The following KIRREL1 variants were observed in gnomAD, a reference collection of about 807,000 sequenced individuals.
The protein encoded by KIRREL1 is kirre like nephrin family adhesion molecule 1.
In KIRREL1, 25 loss-of-function variants were observed where a neutral mutation model predicts 83.3. The ratio of observed to expected loss-of-function variants is 0.30; its 90% CI spans 0.22 to 0.42. The LOEUF (loss-of-function observed/expected upper bound fraction) is 0.42, where lower values mean the gene tolerates loss of function less well. KIRREL1 is among the 10% of genes least tolerant of loss of function. The pLI, the probability that KIRREL1 is intolerant of heterozygous loss-of-function variation, is 1.00. For missense variants in KIRREL1, 812 were observed against 1,032.3 expected, an observed-to-expected ratio of 0.79 and a Z score of 2.92; for synonymous variants, 388 against 410.4, an observed-to-expected ratio of 0.95 and a Z score of 0.66.
At chr1:158,069,973 C>A (rs1252858054) in intron 1 of KIRREL1, among the ~76,000 whole-genome samples, 5 of 152,174 alleles carry the variant, frequency 3.3e-5, no homozygotes, top group Non-Finnish European at 5.9e-5. Flanking sequence ...ATCACCAAAA[C>A]CTCTCTGGAT....
intron 1 of KIRREL1, among the ~76,000 whole-genome samples, chr1:158,049,065 T>A (rs1256226754): frequency 6.6e-6 from 1 of 152,102 alleles, no homozygotes; most frequent in Non-Finnish European, 1.5e-5. Context: ...AAACTTGCAT[T>A]TGCAAGTGTG....
intron 1 of KIRREL1, among the ~76,000 whole-genome samples, chr1:158,046,962 C>T (rs1660794816): frequency 6.6e-6 from 1 of 152,068 alleles, no homozygotes; most frequent in African/African-American, 2.4e-5. Context: ...AATGCAGCCC[C>T]TTTGTATGCA....
intron 1 of KIRREL1, among the ~76,000 whole-genome samples, chr1:158,044,757 C>A: frequency 6.6e-6 from 1 of 152,110 alleles, no homozygotes; most frequent in East Asian, 1.9e-4. Context: ...TCCCAAAGTG[C>A]CAGGCCCTTT....
chr1:158,018,848 G>A (rs1486158470), intron 1 of KIRREL1, among the ~76,000 whole-genome samples: 2 of 152,154 alleles, frequency 1.3e-5, no homozygotes, highest in East Asian at 1.9e-4. Flanking sequence ...TCCAGCCATC[G>A]ATTGATGTGC....
intron 1 of KIRREL1, among the ~76,000 whole-genome samples, chr1:158,046,591 C>A (rs1218803570): frequency 6.6e-6 from 1 of 151,802 alleles, no homozygotes; most frequent in African/African-American, 2.4e-5. Flanking sequence ...CAGTCAGGAC[C>A]CTTCAACAAG....
chr1:157,993,666 G>T lies in KIRREL1; in HGVS notation c.-11G>T. 6.8e-7 allele frequency: 1 copy of T among 1,477,192 alleles called. No homozygotes were observed. Among genetic ancestry groups the T allele is most frequent in the South Asian group, 1.3e-5 (1 of 75,274 alleles). The allele number at this position is 1,477,192 out of a possible 1,614,324, so 91.5% of individuals were successfully genotyped here. On this transcript the variant is annotated 5_prime_UTR_variant, in exon 1 of 15. Coordinates refer to ENST00000359209, the MANE Select transcript of KIRREL1 (RefSeq NM_018240.7). ...CCCCAGCCGCGGGCGGGCGCACGGC[G>T]GGCGGACAGCATGCTGAGCCTCCTC...
chr1:158,014,985 A>C (rs1659788686), intron 1 of KIRREL1, among the ~76,000 whole-genome samples: 1 of 152,152 alleles, frequency 6.6e-6, no homozygotes, highest in African/African-American at 2.4e-5. Flanking sequence ...CAGCAGGCTT[A>C]ATCTTCCCAA....
chr1:158,025,859 T>C (rs1660154055), intron 1 of KIRREL1, among the ~76,000 whole-genome samples: 1 of 151,794 alleles, frequency 6.6e-6, no homozygotes, highest in Non-Finnish European at 1.5e-5. Flanking sequence ...TTCATCCTCC[T>C]GGGCAGGAGG....
chr1:158,049,993 T>C (rs1558003131), intron 1 of KIRREL1, among the ~76,000 whole-genome samples: 1 of 152,100 alleles, frequency 6.6e-6, no homozygotes, highest in Non-Finnish European at 1.5e-5. Flanking sequence ...CAAGTGATGG[T>C]GAGCAATTCC....
At chr1:158,032,190 G>C (rs1022116763) in intron 1 of KIRREL1, among the ~76,000 whole-genome samples, 8 of 152,214 alleles carry the variant, frequency 5.3e-5, no homozygotes, top group African/African-American at 1.9e-4. Flanking sequence ...ACTGGGGACT[G>C]GTGTCCATGG....
At chr1:158,087,648 T>C in intron 5 of KIRREL1, 107 bp from the exon 6 acceptor site, 1 of 733,608 alleles carries the variant, frequency 1.4e-6, no homozygotes, top group African/African-American at 1.8e-5. Flanking sequence ...CAACCTCAAA[T>C]TCCTAGATCC....
chr1:158,026,149 G>C (rs556434612), intron 1 of KIRREL1, among the ~76,000 whole-genome samples: 5 of 152,280 alleles, frequency 3.3e-5, no homozygotes, highest in African/African-American at 1.2e-4. Flanking sequence ...GGAGCTGCAG[G>C]CTGGGGTTTC....
Position 158,094,983 on chromosome 1 carries a change from C to T in KIRREL1, c.2137C>T (p.Pro713Ser), listed in dbSNP as rs757977599. Residue 713 changes from proline (P) to serine (S), a missense_variant, in exon 15 of 15, where the codon CCC becomes TCC. Pro to Ser is a moderately conservative substitution (Grantham distance 74). This residue lies in a region of KIRREL1 where 334 missense variants were observed against 383.7 expected (regional missense o/e 0.87). Coordinates refer to ENST00000359209, the MANE Select transcript of KIRREL1 (RefSeq NM_018240.7). This position sits in a 1 kb window ranked among gnomAD's most constrained non-coding sequence, Gnocchi z 4.6. ...TYRLGYPQAPPSGLERTPYEA... is the reference protein window; with the variant it reads ...TYRLGYPQAPSSGLERTPYEA... ...CCGACTGGGCTACCCCCAGGCCCCACCCTCTGGCCTGGAGCGGACCCCATA... is the reference window on the plus strand; with the variant it reads ...CCGACTGGGCTACCCCCAGGCCCCATCCTCTGGCCTGGAGCGGACCCCATA... 1 of 1,614,032 alleles carries T rather than the reference C, an allele frequency of 6.2e-7. No individual in the cohort carries two copies. Among genetic ancestry groups the T allele is most frequent in the African/African-American group, 1.3e-5 (1 of 75,058 alleles).
Position 158,094,321 on chromosome 1 carries a change from G to C in KIRREL1, c.1728G>C (p.Lys576Asn). The C allele has an allele frequency of 6.3e-7, 1 of 1,581,172 alleles. No individual in the cohort carries two copies. The highest frequency in any genetic ancestry group is 1.1e-5 in the South Asian group (1 of 88,622). The stretch of plus-strand genomic sequence containing the variant: ...CTCCTGCTGCTCCACAGTCGTTTAA[G>C]GATGATGTGGATCTGAAGCAGGACC... ...RVMKAIYSSF[K>N]DDVDLKQDLR... The change falls in exon 14 of 15, where the codon AAG (lysine) becomes AAC (asparagine). Residue 576 changes from lysine (K) to asparagine (N), a missense_variant. By Grantham distance (94) the Lys-to-Asn change is moderately conservative (BLOSUM62 0). Coordinates refer to ENST00000359209, the MANE Select transcript of KIRREL1 (RefSeq NM_018240.7). This position sits in a 1 kb window ranked among gnomAD's most constrained non-coding sequence, Gnocchi z 4.6.
intron 1 of KIRREL1, among the ~76,000 whole-genome samples, chr1:158,058,748 G>A (rs1661133658): frequency 1.3e-5 from 2 of 152,120 alleles, no homozygotes; most frequent in African/African-American, 2.4e-5. Flanking sequence ...CATTGCAGAC[G>A]ACATCTGGGA....
intron 1 of KIRREL1, among the ~76,000 whole-genome samples, chr1:158,069,833 A>G (rs11264894): frequency 0.37 from 55,904 of 152,024 alleles, 11,175 homozygotes; most frequent in East Asian, 0.62. Context: ...AATTGTGCCT[A>G]CCTTATTGGG....
At chr1:158,048,937 G>A (rs1004135369) in intron 1 of KIRREL1, among the ~76,000 whole-genome samples, 2 of 152,160 alleles carry the variant, frequency 1.3e-5, no homozygotes, top group South Asian at 4.2e-4. Flanking sequence ...AAGGTAAGGT[G>A]GAGATGCTAA....
intron 1 of KIRREL1, among the ~76,000 whole-genome samples, chr1:158,006,729 C>T (rs1659528977): frequency 6.6e-6 from 1 of 152,200 alleles, no homozygotes; most frequent in Admixed American, 6.5e-5. Context: ...TGGTGTCCTT[C>T]CCATCATTTC....
At position 158,097,784 on chromosome 1, in the gene KIRREL1, G is replaced by T. The variant is rs1662391623; in HGVS notation, c.*2664G>T. ...TGATGCCTCAGTAGTTGGTGATCCTGATCACCTTTGGTGGCTTGTTTTAGT... is the reference window on the plus strand; with the variant it reads ...TGATGCCTCAGTAGTTGGTGATCCTTATCACCTTTGGTGGCTTGTTTTAGT... On this transcript the variant is annotated 3_prime_UTR_variant, in exon 15 of 15. Coordinates refer to ENST00000359209, the MANE Select transcript of KIRREL1 (RefSeq NM_018240.7). 6.6e-6 allele frequency: 1 copy of T among 152,306 alleles called. No homozygotes were observed. Among genetic ancestry groups the T allele is most frequent in the Non-Finnish European group, 1.5e-5 (1 of 68,136 alleles). The allele number at this position is 152,306 out of a possible 1,614,324, so 9.4% of individuals were successfully genotyped here.
Sources: gnomAD v4.1 joint callset for allele counts (sites outside exome capture counted in the v4.1 genomes callset) on GRCh38, gnomAD v4.1.1 for gene constraint, gnomAD v4.1.1 regional missense constraint, Gnocchi (gnomAD v3.1) non-coding constraint, MANE v1.5 for transcripts, NCBI Gene and HGNC (gene_info 2026-07-23, HGNC 2026-07-21) for gene names.